The following B3GALT1 variants were observed in gnomAD, a reference collection of about 807,000 sequenced individuals.
B3GALT1 encodes the protein UDP-Gal:betaGlcNAc beta 1,3-galactosyltransferase, polypeptide 1.
A neutral mutation model predicts 23.2 loss-of-function variants in B3GALT1; 10 were observed. The observed-to-expected ratio is 0.43, with a 90% CI of 0.27 to 0.73. The LOEUF is 0.73. Ranked by LOEUF, B3GALT1 falls within the 30% of genes least tolerant of loss-of-function variation. The pLI, the probability that B3GALT1 is intolerant of heterozygous loss-of-function variation, is 0.21. For missense variants in B3GALT1, 299 were observed against 405.4 expected (o/e 0.74, Z 2.25); for synonymous variants, 156 against 141.5 (o/e 1.10, Z -0.73).
At chr2:167,451,645 T>G (rs1699092912) in intron 1 of B3GALT1, among the ~76,000 whole-genome samples, 1 of 152,180 alleles carries the variant, frequency 6.6e-6, no homozygotes, top group Non-Finnish European at 1.5e-5. Context: ...TTTGGTTGTT[T>G]AATCCTATTT....
intron 3 of B3GALT1, among the ~76,000 whole-genome samples, chr2:167,749,642 T>G (rs1687703968): frequency 1.3e-5 from 2 of 152,222 alleles, no homozygotes; most frequent in Non-Finnish European, 2.9e-5. Context: ...CCAGATTAAA[T>G]GCAGTATGAT....
intron 1 of B3GALT1, among the ~76,000 whole-genome samples, chr2:167,313,922 T>G (rs1364865740): frequency 6.6e-6 from 1 of 152,174 alleles, no homozygotes; most frequent in Admixed American, 6.5e-5. Flanking sequence ...TCCTGTATTA[T>G]GTTAAGAGTA....
chr2:167,804,858 G>C (rs1688717779), intron 3 of B3GALT1, among the ~76,000 whole-genome samples: 1 of 152,114 alleles, frequency 6.6e-6, no homozygotes, highest in Non-Finnish European at 1.5e-5. Flanking sequence ...GGGATTGCTG[G>C]GTCAAACGGT....
intron 1 of B3GALT1, among the ~76,000 whole-genome samples, chr2:167,449,224 A>G (rs1031648530): frequency 1.3e-5 from 2 of 152,122 alleles, no homozygotes; most frequent in African/African-American, 4.8e-5. Context: ...CTACCCATCC[A>G]TGGGATGTGT....
At chr2:167,406,921 TG>T (rs1396095994) in intron 1 of B3GALT1, among the ~76,000 whole-genome samples, 1 of 152,178 alleles carries the variant, frequency 6.6e-6, no homozygotes, top group Non-Finnish European at 1.5e-5. Context: ...GAGGTGAAAC[TG>T]GGCTTATAGT....
intron 1 of B3GALT1, among the ~76,000 whole-genome samples, chr2:167,426,302 T>G (rs1370105732): frequency 6.8e-6 from 1 of 146,526 alleles, no homozygotes; most frequent in Non-Finnish European, 1.5e-5. Context: ...TGAGATGGAG[T>G]CTTGCTCTGT....
In B3GALT1 at chr2:167,871,891, C is replaced by CTTTTTTTTTTTTTTT. The variant is rs397870339; in HGVS notation, c.*1885_*1899dup. 9.6e-5 allele frequency: 6 copies of CTTTTTTTTTTTTTTT among 62,464 alleles called. No homozygotes were observed. The highest frequency in any genetic ancestry group is 6.5e-4 in the Admixed American group (3 of 4,590). The allele number at this position is 62,464 out of a possible 1,614,324, so 3.9% of individuals were successfully genotyped here. On this transcript the variant is annotated 3_prime_UTR_variant, in exon 5 of 5. Transcript: ENST00000392690. ...AGAGTGTACCTTTTTTATTTATTTA[C>CTTTTTTTTTTTTTTT]TTTTTTTTTTTTTTTTTTTTTTTTT...
At chr2:167,604,699 A>G (rs1363211115) in intron 2 of B3GALT1, among the ~76,000 whole-genome samples, 1 of 152,188 alleles carries the variant, frequency 6.6e-6, no homozygotes, top group Non-Finnish European at 1.5e-5. Context: ...ATCAGTGATC[A>G]TAAGGAGAAG....
intron 2 of B3GALT1, among the ~76,000 whole-genome samples, chr2:167,622,920 G>A (rs1050609613): frequency 2.4e-4 from 36 of 151,960 alleles, no homozygotes; most frequent in African/African-American, 8.5e-4. Context: ...AGTGTGAACT[G>A]TAATCGTGGA....
intron 1 of B3GALT1, among the ~76,000 whole-genome samples, chr2:167,416,758 T>C (rs1698477599): frequency 6.6e-6 from 1 of 152,086 alleles, no homozygotes; most frequent in South Asian, 2.1e-4. Flanking sequence ...AAGCCTTGGG[T>C]CCCAATTCAT....
intron 3 of B3GALT1, among the ~76,000 whole-genome samples, chr2:167,689,123 C>T (rs1203093639): frequency 7.9e-6 from 1 of 126,174 alleles, no homozygotes; most frequent in African/African-American, 2.9e-5. Context: ...ATAGTCAAAC[C>T]TCGCCCCCAA....
At chr2:167,605,141 A>G (rs770830412) in intron 2 of B3GALT1, among the ~76,000 whole-genome samples, 23 of 152,204 alleles carry the variant, frequency 1.5e-4, no homozygotes, top group Non-Finnish European at 2.8e-4. Context: ...AGTGTGGGAC[A>G]TACTGTCCCT....
intron 1 of B3GALT1, among the ~76,000 whole-genome samples, chr2:167,459,146 A>AT (rs1390892761): frequency 6.6e-6 from 1 of 152,024 alleles, no homozygotes; most frequent in Non-Finnish European, 1.5e-5. Context: ...TAATTCTGTC[A>AT]TTTTTTCACT....
chr2:167,501,881 G>A (rs1699853998), intron 2 of B3GALT1, among the ~76,000 whole-genome samples: 2 of 152,204 alleles, frequency 1.3e-5, no homozygotes, highest in South Asian at 4.1e-4. Context: ...TGAATGAATT[G>A]CATATGACAT....
At chr2:167,526,081 C>T (rs912825699) in intron 2 of B3GALT1, among the ~76,000 whole-genome samples, 3 of 152,054 alleles carry the variant, frequency 2.0e-5, no homozygotes, top group Admixed American at 6.6e-5. Context: ...CCCTGGTTCC[C>T]TTTATTGGAG....
chr2:167,606,871 T>C (rs1461089535), intron 2 of B3GALT1, among the ~76,000 whole-genome samples: 1 of 152,326 alleles, frequency 6.6e-6, no homozygotes. Context: ...ATAAGAACTT[T>C]AGACTTCAAA....
At chr2:167,364,609 A>G (rs1442035014) in intron 1 of B3GALT1, among the ~76,000 whole-genome samples, 3 of 152,074 alleles carry the variant, frequency 2.0e-5, no homozygotes, top group Non-Finnish European at 4.4e-5. Context: ...TGTCCTTGCG[A>G]TAGTTTGCTC....
At chr2:167,464,199 G>T (rs1408297044) in intron 1 of B3GALT1, among the ~76,000 whole-genome samples, 1 of 151,358 alleles carries the variant, frequency 6.6e-6, no homozygotes, top group Non-Finnish European at 1.5e-5. Context: ...TTCACTTAAT[G>T]ATTAGAAAAA....
At chr2:167,381,394 A>G (rs1697846723) in intron 1 of B3GALT1, among the ~76,000 whole-genome samples, 1 of 152,168 alleles carries the variant, frequency 6.6e-6, no homozygotes, top group African/African-American at 2.4e-5. Flanking sequence ...TTTTATTTCA[A>G]ATTTTACTCT....
Sources: allele counts gnomAD v4.1 joint callset (sites outside exome capture counted in the v4.1 genomes callset), GRCh38; gene constraint gnomAD v4.1.1; transcripts MANE v1.5; gene names NCBI Gene and HGNC (gene_info 2026-07-23, HGNC 2026-07-21).